Variants in ZNF292 observed in about 807,000 individuals in gnomAD.
ZNF292 encodes zinc finger protein 292.
In ZNF292, 26 loss-of-function variants were observed where a neutral mutation model predicts 217.9. That is an observed-to-expected ratio of 0.12 (90% CI 0.09 to 0.17). ZNF292 has a LOEUF of 0.17. Ranked by LOEUF, ZNF292 falls within the 10% of genes least tolerant of loss-of-function variation. The pLI is 1.00. For missense variants in ZNF292, 2,904 were observed against 3,175.2 expected, an observed-to-expected ratio of 0.91 and a Z score of 2.05; for synonymous variants, 1,257 against 1,124.1, an observed-to-expected ratio of 1.12 and a Z score of -2.37.
At position 87,258,671 on chromosome 6, in the gene ZNF292, G is replaced by A. The variant is rs1406842178; in HGVS notation, c.5042G>A (p.Ser1681Asn). The A allele has an allele frequency of 1.9e-6, 3 of 1,613,364 alleles. No homozygotes were observed. Among genetic ancestry groups the A allele is most frequent in the African/African-American group, 2.7e-5 (2 of 74,890 alleles). The stretch of plus-strand genomic sequence containing the variant: ...GTAATTCCAACTTGTGAACCTCAGA[G>A]TTTGGTGGAAAATCTAACACAGAAA... The part of the protein sequence containing the change: ...SNVIPTCEPQ[S>N]LVENLTQKLN... Residue 1681 changes from serine (S) to asparagine (N), a missense_variant, in exon 8 of 8, where the codon AGT (serine) becomes AAT (asparagine). Around this residue, in one of 15 missense-constraint regions of ZNF292, gnomAD observed 622 missense variants for 573.1 expected, o/e 1.09. Coordinates refer to ENST00000369577, the MANE Select transcript of ZNF292 (RefSeq NM_015021.3).
intron 5 of ZNF292, among the ~76,000 whole-genome samples, chr6:87,239,837 G>A (rs1266376161): frequency 6.6e-6 from 1 of 151,524 alleles, no homozygotes; most frequent in African/African-American, 2.4e-5. Flanking sequence ...ACGGGATGGC[G>A]GCCGGGAAGA....
chr6:87,194,163 CTAAG>C (rs1301315873), intron 1 of ZNF292, among the ~76,000 whole-genome samples: 1 of 151,900 alleles, frequency 6.6e-6, no homozygotes, highest in African/African-American at 2.4e-5. Context: ...TTTAGAACTT[CTAAG>C]TAAGTGTGGA....
chr6:87,167,261 C>G (rs966997194), intron 1 of ZNF292, among the ~76,000 whole-genome samples: 2 of 152,212 alleles, frequency 1.3e-5, no homozygotes, highest in African/African-American at 4.8e-5. Context: ...GAAAAACTTG[C>G]AAAAGTTAAA....
Position 87,196,153 on chromosome 6 carries a change from A to G in ZNF292, c.169-19750A>G, listed in dbSNP as rs144061815. 9.5e-3 allele frequency among the ~76,000 whole-genome samples: 1,451 copies of G among 152,346 alleles called. 19 individuals are homozygous for G. The highest frequency in any genetic ancestry group is 0.033 in the African/African-American group (1,367 of 41,582). ...GTATAACTTAAGATATGGAACAAGC[A>G]TCTCTTCTGTGCCTTGCCAAATTGT... On this transcript the variant is annotated intron_variant, in intron 1 of 7. Transcript: ENST00000369577.
chr6:87,233,797 T>A, intron 5 of ZNF292: 1 of 354,930 alleles, frequency 2.8e-6, no homozygotes, highest in Non-Finnish European at 3.9e-6. Context: ...CTTAACAGTT[T>A]AGTAAAATAT....
Position 87,261,283 on chromosome 6 carries a change from C to G in ZNF292, c.7654C>G (p.Pro2552Ala). 1.2e-6 allele frequency: 2 copies of G among 1,612,818 alleles called. No individual in the cohort carries two copies. The highest frequency in any genetic ancestry group is 1.7e-6 in the Non-Finnish European group (2 of 1,179,548). The change falls in exon 8 of 8, where the codon CCA (proline) becomes GCA (alanine). Residue 2552 changes from proline (P) to alanine (A), a missense_variant. By Grantham distance (27) the Pro-to-Ala change is conservative (BLOSUM62 -1). This residue lies in a region of ZNF292 where 380 missense variants were observed against 355.3 expected (regional missense o/e 1.07). Transcript: ENST00000369577. The part of the protein sequence containing the change: ...NKKRKVEKAE[P>A]ASAAELSSVR... The stretch of plus-strand genomic sequence containing the variant: ...AAAAAGGAAAGTTGAAAAAGCTGAA[C>G]CAGCATCAGCAGCTGAGTTAAGTAG...
intron 1 of ZNF292, among the ~76,000 whole-genome samples, chr6:87,168,190 G>T (rs753452417): frequency 1.3e-5 from 2 of 152,144 alleles, no homozygotes; most frequent in Non-Finnish European, 2.9e-5. Flanking sequence ...GAGATCATAG[G>T]ATTCAAGAAC....
At chr6:87,190,925 T>G (rs542437125) in intron 1 of ZNF292, among the ~76,000 whole-genome samples, 1 of 152,328 alleles carries the variant, frequency 6.6e-6, no homozygotes, top group South Asian at 2.1e-4. Flanking sequence ...AATATCTTCC[T>G]TAAATTGTTC....
chr6:87,199,606 G>T (rs1772051378), intron 1 of ZNF292, among the ~76,000 whole-genome samples: 1 of 152,086 alleles, frequency 6.6e-6, no homozygotes, highest in South Asian at 2.1e-4. Context: ...TCCATTTTGG[G>T]TTTTGTGTAT....
At chr6:87,253,798 A>G (rs1469003023) in intron 7 of ZNF292, among the ~76,000 whole-genome samples, 2 of 152,148 alleles carry the variant, frequency 1.3e-5, no homozygotes, top group Non-Finnish European at 1.5e-5. Flanking sequence ...TGTATCGTAC[A>G]TATTTTATTC....
chr6:87,221,409 T>C (rs1207949326), intron 4 of ZNF292, among the ~76,000 whole-genome samples: 1 of 152,228 alleles, frequency 6.6e-6, no homozygotes, highest in Non-Finnish European at 1.5e-5. Context: ...ACTAATAAAT[T>C]AGCTTTTGCT....
chr6:87,209,956 A>G (rs993627344), intron 1 of ZNF292, among the ~76,000 whole-genome samples: 1 of 152,212 alleles, frequency 6.6e-6, no homozygotes, highest in African/African-American at 2.4e-5. Flanking sequence ...CATGAATGTA[A>G]TAATATAACC....
intron 1 of ZNF292, among the ~76,000 whole-genome samples, chr6:87,178,608 G>A (rs1167375863): frequency 1.3e-5 from 2 of 152,032 alleles, no homozygotes; most frequent in Non-Finnish European, 2.9e-5. Flanking sequence ...TAAGAGAGAG[G>A]GAAATTATTT....
At chr6:87,224,819 C>T (rs1002699293) in intron 4 of ZNF292, among the ~76,000 whole-genome samples, 1 of 151,942 alleles carries the variant, frequency 6.6e-6, no homozygotes, top group Non-Finnish European at 1.5e-5. Flanking sequence ...TGAATAAAGC[C>T]GTTATAAACA....
chr6:87,222,483 A>AAATG (rs1773133180), intron 4 of ZNF292, among the ~76,000 whole-genome samples: 1 of 151,786 alleles, frequency 6.6e-6, no homozygotes, highest in South Asian at 2.1e-4. Context: ...TGTTTTTGAC[A>AAATG]AATGTTTGGC....
chr6:87,251,929 A>G (rs1217426334), intron 7 of ZNF292, among the ~76,000 whole-genome samples: 1 of 152,340 alleles, frequency 6.6e-6, no homozygotes, highest in Non-Finnish European at 1.5e-5. Flanking sequence ...ATTTAGTTGC[A>G]GACTGGATTA....
intron 1 of ZNF292, among the ~76,000 whole-genome samples, chr6:87,182,861 G>C (rs1165763939): frequency 1.3e-5 from 2 of 152,090 alleles, no homozygotes; most frequent in African/African-American, 4.8e-5. Flanking sequence ...GAATCTTTTT[G>C]AGAGATTTTC....
intron 1 of ZNF292, among the ~76,000 whole-genome samples, chr6:87,197,722 C>CAAAAAAAA (rs11312557): frequency 1.3e-5 from 1 of 77,310 alleles, no homozygotes; most frequent in Non-Finnish European, 2.4e-5. Context: ...CTCGCTGTTT[C>CAAAAAAAA]AAAAAAAAAA....
chr6:87,260,872 G>A lies in ZNF292; in HGVS notation c.7243G>A (p.Ala2415Thr). 1.9e-6 allele frequency: 3 copies of A among 1,610,242 alleles called. No individual in the cohort carries two copies. The highest frequency in any genetic ancestry group is 2.5e-6 in the Non-Finnish European group (3 of 1,178,056). ...TTATAAGTGCCATAAATTATCTAAGGCATTTACATCACAACACCGAAATCT... is the reference window on the plus strand; with the variant it reads ...TTATAAGTGCCATAAATTATCTAAGACATTTACATCACAACACCGAAATCT... ...RHYKCHKLSK[A>T]FTSQHRNLLI... The change falls in exon 8 of 8, where the codon GCA (alanine) becomes ACA (threonine). Residue 2415 changes from alanine to threonine, a missense_variant. Ala to Thr is a moderately conservative substitution (Grantham distance 58). Around this residue, in one of 15 missense-constraint regions of ZNF292, gnomAD observed 380 missense variants for 355.3 expected, o/e 1.07. Transcript: ENST00000369577.
Sources: allele counts gnomAD v4.1 joint callset (sites outside exome capture counted in the v4.1 genomes callset), GRCh38; gene constraint gnomAD v4.1.1; regional missense constraint gnomAD v4.1.1; transcripts MANE v1.5; gene names NCBI Gene and HGNC (gene_info 2026-07-23, HGNC 2026-07-21).